Variants in PARG observed in about 807,000 individuals in gnomAD.
The protein encoded by PARG is poly(ADP-ribose) glycohydrolase, also known as mitochondrial poly(ADP-ribose) glycohydrolase.
In PARG, 35 loss-of-function variants were observed where a neutral mutation model predicts 113.0. The observed-to-expected ratio is 0.31, with a 90% CI of 0.24 to 0.41. The LOEUF (loss-of-function observed/expected upper bound fraction) is 0.41, where lower values mean the gene tolerates loss of function less well. Ranked by LOEUF, PARG falls within the 10% of genes least tolerant of loss-of-function variation. The probability of loss-of-function intolerance (pLI) is 1.00; values close to 1 mark genes in which losing one functional copy is unlikely to be tolerated. For synonymous variants in PARG, 330 were observed against 409.9 expected, an observed-to-expected ratio of 0.81 and a Z score of 2.36; for missense variants, 797 against 1,169.4, an observed-to-expected ratio of 0.68 and a Z score of 4.64.
intron 15 of PARG, among the ~76,000 whole-genome samples, chr10:49,840,705 T>C (rs1845186522): frequency 6.6e-6 from 1 of 152,200 alleles, no homozygotes; most frequent in Non-Finnish European, 1.5e-5. Flanking sequence ...TTCTCCCAAA[T>C]AGATCAGGAT....
At chr10:49,907,152 C>T (rs1404703053) in intron 7 of PARG, among the ~76,000 whole-genome samples, 20 of 152,162 alleles carry the variant, frequency 1.3e-4, no homozygotes, top group Non-Finnish European at 2.8e-4. Context: ...GGAAATGGCC[C>T]TTGTGGCAGA....
intron 7 of PARG, among the ~76,000 whole-genome samples, chr10:49,900,614 A>C (rs182834298): frequency 4.1e-3 from 623 of 152,318 alleles, no homozygotes; most frequent in East Asian, 0.018. Context: ...AAACAGCAGA[A>C]TTCTTACTTT....
At chr10:49,936,093 T>C (rs1452169241) in intron 1 of PARG, among the ~76,000 whole-genome samples, 2 of 151,830 alleles carry the variant, frequency 1.3e-5, no homozygotes, top group South Asian at 2.1e-4. Flanking sequence ...TCAGAATCTA[T>C]ATGTGAGTAG....
intron 6 of PARG, 142 bp from the exon 7 acceptor site, chr10:49,916,133 G>A (rs1837460745): frequency 3.0e-6 from 2 of 659,698 alleles, no homozygotes; most frequent in East Asian, 5.6e-5. Flanking sequence ...TACTGATATG[G>A]ACATCAGTAG....
intron 12 of PARG, among the ~76,000 whole-genome samples, chr10:49,859,710 T>G (rs1236668717): frequency 4.5e-4 from 69 of 152,324 alleles, no homozygotes; most frequent in African/African-American, 1.6e-3. Flanking sequence ...AATGTGTATG[T>G]TATTGTTTAC....
intron 8 of PARG, among the ~76,000 whole-genome samples, chr10:49,883,814 A>C (rs1454819559): frequency 5.6e-5 from 8 of 143,860 alleles, no homozygotes; most frequent in Non-Finnish European, 9.4e-5. Flanking sequence ...AAAGAAAAAA[A>C]AAAAAAAAAA....
At position 49,903,033 on chromosome 10, in the gene PARG, G is replaced by A. The variant is rs542732519; in HGVS notation, c.1737+12884C>T. Among the ~76,000 whole-genome samples the A allele has an allele frequency of 1.6e-4, 24 of 151,920 alleles. No individual in the cohort carries two copies. The East Asian group carries it at 4.5e-3, about 29-fold the overall frequency. On this transcript the variant is annotated intron_variant, in intron 7 of 17. Transcript: ENST00000616448. ...GTAGAGACAGGGTTTCACCATGTTC[G>A]TCAGGATGGTCTCGATCTCTTGACC...
chr10:49,933,674 C>A lies in PARG; in HGVS notation c.774G>T (p.Val258=), dbSNP rs1838602525. 13 of 1,609,848 alleles carry A rather than the reference C, an allele frequency of 8.1e-6. No homozygotes were observed. The highest frequency in any genetic ancestry group is 1.0e-5 in the Non-Finnish European group (12 of 1,176,282). Residue 258 remains valine (V), a synonymous_variant, in exon 3 of 18, where the codon GTG becomes GTT. Transcript: ENST00000616448. ...CAACATCTGACAATGGACTCTCTGGCACCACATCTATCTCATCTTGCTGAC... is the reference window on the plus strand; with the variant it reads ...CAACATCTGACAATGGACTCTCTGGAACCACATCTATCTCATCTTGCTGAC... ...ASCQQDEIDV[V]PESPLSDVGS...
intron 4 of PARG, among the ~76,000 whole-genome samples, chr10:49,927,591 C>T (rs184239755): frequency 6.6e-6 from 1 of 152,074 alleles, no homozygotes; most frequent in African/African-American, 2.4e-5. Context: ...TAAGAATTGG[C>T]TAAGGAGGAA....
intron 7 of PARG, among the ~76,000 whole-genome samples, chr10:49,905,989 G>C (rs1848567411): frequency 6.7e-6 from 1 of 149,072 alleles, no homozygotes; most frequent in Non-Finnish European, 1.5e-5. Flanking sequence ...AGTTGCCCAA[G>C]GCGATGCCAA....
chr10:49,868,003 T>A (rs576136950), intron 10 of PARG, among the ~76,000 whole-genome samples: 18 of 152,334 alleles, frequency 1.2e-4, no homozygotes, highest in African/African-American at 4.3e-4. Context: ...TTATTTATTT[T>A]TTTAGACAGA....
At chr10:49,852,570 T>C (rs1398612850) in intron 13 of PARG, among the ~76,000 whole-genome samples, 2 of 146,812 alleles carry the variant, frequency 1.4e-5, no homozygotes, top group African/African-American at 5.0e-5. Context: ...CTTCTTCTTT[T>C]TTTCTTTTTT....
chr10:49,848,079 G>A (rs1845592937), intron 13 of PARG, among the ~76,000 whole-genome samples: 1 of 152,020 alleles, frequency 6.6e-6, no homozygotes, highest in Middle Eastern at 3.2e-3. Context: ...GGCCAGGCGG[G>A]GTGGCTCATG....
intron 16 of PARG, among the ~76,000 whole-genome samples, chr10:49,832,111 T>C (rs1181578115): frequency 1.3e-5 from 2 of 152,220 alleles, no homozygotes; most frequent in Non-Finnish European, 2.9e-5. Context: ...ACTGATACTT[T>C]GAAAAAATGT....
intron 4 of PARG, among the ~76,000 whole-genome samples, chr10:49,927,391 A>AAAGAAAGG: frequency 6.7e-6 from 1 of 150,256 alleles, no homozygotes; most frequent in African/African-American, 2.4e-5. Flanking sequence ...AGAAAGAAAG[A>AAAGAAAGG]AAGAAAGAAA....
intron 15 of PARG, among the ~76,000 whole-genome samples, chr10:49,840,397 A>C (rs1475759060): frequency 1.3e-5 from 2 of 152,062 alleles, no homozygotes; most frequent in African/African-American, 4.8e-5. Flanking sequence ...CTTCAAAAAA[A>C]AAAAAACAAA....
At chr10:49,901,312 C>A (rs1848338874) in intron 7 of PARG, among the ~76,000 whole-genome samples, 1 of 151,840 alleles carries the variant, frequency 6.6e-6, no homozygotes, top group Non-Finnish European at 1.5e-5. Flanking sequence ...TGGGGTCTCA[C>A]CATCTTGCCC....
chr10:49,859,901 C>T (rs1384931728), intron 12 of PARG, among the ~76,000 whole-genome samples: 2 of 152,080 alleles, frequency 1.3e-5, no homozygotes, highest in East Asian at 3.9e-4. Context: ...TACATGAAAA[C>T]AAGAATGTGA....
At chr10:49,880,679 T>C (rs1847170305) in intron 8 of PARG, among the ~76,000 whole-genome samples, 1 of 152,120 alleles carries the variant, frequency 6.6e-6, no homozygotes, top group South Asian at 2.1e-4. Flanking sequence ...GAAACACTAG[T>C]CCACACCATG....
Sources: gnomAD v4.1 joint callset for allele counts (sites outside exome capture counted in the v4.1 genomes callset) on GRCh38, gnomAD v4.1.1 for gene constraint, MANE v1.5 for transcripts, NCBI Gene and HGNC (gene_info 2026-07-23, HGNC 2026-07-21) for gene names.